Variants in NRG1 observed in about 807,000 individuals in gnomAD.
NRG1 encodes neuregulin 1.
NRG1 carries 18 observed loss-of-function variants against 63.8 expected under a neutral mutation model. The observed-to-expected ratio is 0.28, with a 90% CI of 0.19 to 0.42. The LOEUF (loss-of-function observed/expected upper bound fraction) is 0.42, where lower values mean the gene tolerates loss of function less well. Among genes scored for constraint, NRG1 ranks in the 10% least tolerant of loss-of-function variants. The pLI, the probability that NRG1 is intolerant of heterozygous loss-of-function variation, is 1.00. For synonymous variants in NRG1, 302 were observed against 301.3 expected, an observed-to-expected ratio of 1.00 and a Z score of -0.02; for missense variants, 762 against 814.7, an observed-to-expected ratio of 0.94 and a Z score of 0.79.
At chr8:31,701,259 A>C (rs1221418200) in intron 1 of NRG1, among the ~76,000 whole-genome samples, 2 of 152,094 alleles carry the variant, frequency 1.3e-5, no homozygotes, top group African/African-American at 4.8e-5. Context: ...GTCATCAAAG[A>C]AGCTGTCCTT....
intron 1 of NRG1, among the ~76,000 whole-genome samples, chr8:31,781,246 A>T (rs1032909244): frequency 6.6e-6 from 1 of 152,166 alleles, no homozygotes; most frequent in Non-Finnish European, 1.5e-5. Context: ...TTTCTGTGTG[A>T]GGAGTAATTG....
At chr8:32,762,256 TTC>T (rs1021113754) in intron 11 of NRG1, among the ~76,000 whole-genome samples, 1 of 152,130 alleles carries the variant, frequency 6.6e-6, no homozygotes, top group Non-Finnish European at 1.5e-5. Context: ...AGTCTATCCA[TTC>T]TGTTTCAATC....
chr8:32,269,942 T>G (rs1181109437), intron 1 of NRG1, among the ~76,000 whole-genome samples: 1 of 152,108 alleles, frequency 6.6e-6, no homozygotes, highest in Admixed American at 6.6e-5. Context: ...GTGATTAGAG[T>G]GCTTGTGCTC....
At chr8:31,841,770 C>T (rs1220614634) in intron 1 of NRG1, among the ~76,000 whole-genome samples, 1 of 152,122 alleles carries the variant, frequency 6.6e-6, no homozygotes, top group Non-Finnish European at 1.5e-5. Flanking sequence ...AATACTCATA[C>T]CAGATTGTAA....
In NRG1 at chr8:32,325,202, C is replaced by G. The variant is rs114405277; in HGVS notation, c.38-270626C>G. 4.4e-3 allele frequency among the ~76,000 whole-genome samples: 675 copies of G among 152,146 alleles called. 3 individuals are homozygous for G. Among genetic ancestry groups the G allele is most frequent in the African/African-American group, 0.015 (637 of 41,504 alleles). On this transcript the variant is annotated intron_variant, in intron 1 of 10. Transcript: ENST00000519301. The stretch of plus-strand genomic sequence containing the variant: ...GGTTTTTAATCATCTTCTAGTGAAC[C>G]AAGCAAGACTGAACCTTTATTGCAA...
chr8:32,147,687 C>G (rs900055083), intron 1 of NRG1, among the ~76,000 whole-genome samples: 3 of 152,124 alleles, frequency 2.0e-5, no homozygotes, highest in African/African-American at 7.2e-5. Context: ...CTATCACTGT[C>G]TTCTGGTCCA....
chr8:31,788,974 G>C (rs1362552636), intron 1 of NRG1, among the ~76,000 whole-genome samples: 2 of 152,158 alleles, frequency 1.3e-5, no homozygotes, highest in African/African-American at 4.8e-5. Flanking sequence ...ATGTTTTAGA[G>C]AACTGCCCAT....
At chr8:31,766,633 A>C (rs1222163321) in intron 1 of NRG1, among the ~76,000 whole-genome samples, 2 of 152,162 alleles carry the variant, frequency 1.3e-5, no homozygotes, top group Non-Finnish European at 2.9e-5. Flanking sequence ...TTCTGATTGA[A>C]ATTGTCCAAT....
At chr8:32,328,348 A>G (rs879886427) in intron 1 of NRG1, among the ~76,000 whole-genome samples, 47 of 152,300 alleles carry the variant, frequency 3.1e-4, no homozygotes, top group Non-Finnish European at 5.6e-4. Flanking sequence ...GTATAATTCA[A>G]ATTTGTTATG....
chr8:32,359,103 T>C (rs1403515901), intron 1 of NRG1, among the ~76,000 whole-genome samples: 1 of 152,110 alleles, frequency 6.6e-6, no homozygotes, highest in Non-Finnish European at 1.5e-5. Flanking sequence ...TACTATAATA[T>C]TTACAAACAG....
At chr8:32,583,047 T>A (rs1027231220) in intron 1 of NRG1, among the ~76,000 whole-genome samples, 1 of 151,620 alleles carries the variant, frequency 6.6e-6, no homozygotes, top group Non-Finnish European at 1.5e-5. Flanking sequence ...TTCCAGCTAC[T>A]TTTTTTTTCT....
At chr8:32,461,189 A>C (rs1822263290) in intron 1 of NRG1, among the ~76,000 whole-genome samples, 1 of 152,012 alleles carries the variant, frequency 6.6e-6, no homozygotes, top group East Asian at 1.9e-4. Flanking sequence ...TTTTCTTAAA[A>C]AGAAAAAAAA....
intron 1 of NRG1, among the ~76,000 whole-genome samples, chr8:31,810,567 C>T (rs1237244914): frequency 6.6e-6 from 1 of 152,156 alleles, no homozygotes; most frequent in Admixed American, 6.5e-5. Context: ...CACCTAGTAG[C>T]TCTTTCTCTA....
chr8:32,548,487 C>A, exon 1 of NRG1: 1 of 1,199,396 alleles, frequency 8.3e-7, no homozygotes, highest in Non-Finnish European at 1.0e-6. Flanking sequence ...CTTCCCGGGG[C>A]GACAGGAGCA....
intron 1 of NRG1, among the ~76,000 whole-genome samples, chr8:32,162,762 A>C (rs150284287): frequency 8.7e-4 from 133 of 152,298 alleles, no homozygotes; most frequent in African/African-American, 2.9e-3. Flanking sequence ...TGTGCTATCT[A>C]CTGCTGTTTT....
chr8:31,648,595 T>C (rs1490124450), intron 1 of NRG1, among the ~76,000 whole-genome samples: 4 of 152,208 alleles, frequency 2.6e-5, no homozygotes, highest in Admixed American at 2.6e-4. Context: ...TGACAAACAC[T>C]ATTCTACTGT....
At chr8:32,363,720 T>A (rs1280333498) in intron 1 of NRG1, among the ~76,000 whole-genome samples, 1 of 151,906 alleles carries the variant, frequency 6.6e-6, no homozygotes, top group African/African-American at 2.4e-5. Context: ...TTTTTTTTAA[T>A]TTTTTTTACA....
intron 1 of NRG1, among the ~76,000 whole-genome samples, chr8:31,852,851 A>G (rs1353500064): frequency 1.3e-5 from 2 of 152,182 alleles, no homozygotes; most frequent in South Asian, 4.1e-4. Context: ...TCCCAGCACC[A>G]TTTATTAAAT....
rs899414631 is a variant in NRG1, at chr8:31,639,859, A to G, written c.37+428A>G. 13 of 1,110,000 alleles carry G rather than the reference A, an allele frequency of 1.2e-5. No homozygotes were observed. In the African/African-American group the frequency reaches 2.2e-4, roughly 18 times the overall value. The allele number at this position is 1,110,000 out of a possible 1,614,324, so 68.8% of individuals were successfully genotyped here. A position where few individuals can be genotyped will look rare whatever the true frequency, so the allele number is the denominator to read the frequency against. On this transcript the variant is annotated intron_variant, in intron 1 of 10. Transcript: ENST00000519301. ...CTACCCCTGCACCCCCAATAAATAA[A>G]TAAAAGGAGGAGGGCAAGGGGGGAG...
Sources: allele counts gnomAD v4.1 joint callset (sites outside exome capture counted in the v4.1 genomes callset), GRCh38; gene constraint gnomAD v4.1.1; transcripts MANE v1.5; gene names NCBI Gene and HGNC (gene_info 2026-07-23, HGNC 2026-07-21).